ZNF385B: variants seen among roughly 807,000 people sequenced by gnomAD.
ZNF385B encodes the protein zinc finger protein 385B, also known as zinc finger protein 533.
Under a neutral mutation model 39.2 loss-of-function variants are expected in ZNF385B, and 23 were observed. The observed-to-expected ratio is 0.59, with a 90% CI of 0.42 to 0.83. The LOEUF (loss-of-function observed/expected upper bound fraction) is 0.83. Ranked by LOEUF, ZNF385B falls within the 40% of genes least tolerant of loss-of-function variation. The pLI is 0.00. For missense variants in ZNF385B, 552 were observed against 598.9 expected (o/e 0.92, Z 0.82); for synonymous variants, 205 against 222.6 (o/e 0.92, Z 0.70).
chr2:179,543,943 G>T (rs1196588048), intron 4 of ZNF385B, among the ~76,000 whole-genome samples: 1 of 152,144 alleles, frequency 6.6e-6, no homozygotes, highest in East Asian at 1.9e-4. Flanking sequence ...CTGTCTGGTG[G>T]TGTTGATAAT....
intron 4 of ZNF385B, among the ~76,000 whole-genome samples, chr2:179,531,121 A>G (rs554953299): frequency 7.9e-5 from 12 of 152,250 alleles, no homozygotes; most frequent in African/African-American, 2.6e-4. Flanking sequence ...TTGAAAATGA[A>G]GAAAGATTTG....
At chr2:179,774,959 A>C (rs945216667) in intron 1 of ZNF385B, among the ~76,000 whole-genome samples, 27 of 152,226 alleles carry the variant, frequency 1.8e-4, no homozygotes, top group African/African-American at 6.5e-4. Flanking sequence ...AGTTTGGGGA[A>C]TACTTTCTGA....
At chr2:179,704,910 T>C (rs945663161) in intron 3 of ZNF385B, among the ~76,000 whole-genome samples, 26 of 152,152 alleles carry the variant, frequency 1.7e-4, no homozygotes, top group African/African-American at 5.8e-4. Flanking sequence ...TTGGTGCCAA[T>C]TCCTTAGAAT....
At chr2:179,793,575 A>T (rs1364833966) in intron 1 of ZNF385B, among the ~76,000 whole-genome samples, 3 of 152,180 alleles carry the variant, frequency 2.0e-5, no homozygotes, top group African/African-American at 7.2e-5. Context: ...GCCCGCCATC[A>T]TGTAAGACGT....
chr2:179,829,577 T>C (rs988817805), intron 1 of ZNF385B, among the ~76,000 whole-genome samples: 2 of 152,030 alleles, frequency 1.3e-5, no homozygotes, highest in Admixed American at 6.6e-5. Context: ...GCAGTGGTGC[T>C]ATCTCGGCTC....
intron 3 of ZNF385B, among the ~76,000 whole-genome samples, chr2:179,625,220 GTC>G (rs1159639954): frequency 6.6e-6 from 1 of 152,074 alleles, no homozygotes; most frequent in Non-Finnish European, 1.5e-5. Context: ...CCCTGAGAGT[GTC>G]TCTCTTTTTC....
intron 3 of ZNF385B, among the ~76,000 whole-genome samples, chr2:179,741,993 T>C (rs1702115784): frequency 6.6e-6 from 1 of 152,042 alleles, no homozygotes; most frequent in South Asian, 2.1e-4. Flanking sequence ...ACAAAATGAA[T>C]TAATAAGTAT....
chr2:179,781,715 A>G (rs1380333396), intron 1 of ZNF385B, among the ~76,000 whole-genome samples: 1 of 152,178 alleles, frequency 6.6e-6, no homozygotes, highest in African/African-American at 2.4e-5. Context: ...CACAAAGTAG[A>G]AAGCCTAGAA....
At chr2:179,777,169 T>C (rs1704374052) in intron 1 of ZNF385B, among the ~76,000 whole-genome samples, 1 of 151,684 alleles carries the variant, frequency 6.6e-6, no homozygotes, top group South Asian at 2.1e-4. Context: ...CATATACAAA[T>C]AGCGTAATGA....
intron 6 of ZNF385B, among the ~76,000 whole-genome samples, chr2:179,474,646 T>A (rs1409625543): frequency 6.6e-6 from 1 of 152,014 alleles, no homozygotes; most frequent in Non-Finnish European, 1.5e-5. Context: ...GTATTGCTAT[T>A]AAAATTATTT....
At chr2:179,481,452 T>A (rs961875706) in intron 6 of ZNF385B, among the ~76,000 whole-genome samples, 2 of 152,130 alleles carry the variant, frequency 1.3e-5, no homozygotes, top group East Asian at 1.9e-4. Context: ...TCTGCTTTTT[T>A]AAAAAATGGA....
At chr2:179,579,915 C>T (rs72957989) in intron 3 of ZNF385B, among the ~76,000 whole-genome samples, 7,121 of 152,098 alleles carry the variant, frequency 0.047, 252 homozygotes, top group Non-Finnish European at 0.071. Context: ...AGTAACTTGC[C>T]CACTTACTGT....
At chr2:179,702,504 G>A (rs1559108284) in intron 3 of ZNF385B, among the ~76,000 whole-genome samples, 1 of 152,138 alleles carries the variant, frequency 6.6e-6, no homozygotes, top group Non-Finnish European at 1.5e-5. Flanking sequence ...CTAAACAAGT[G>A]CAGTTACAAA....
intron 4 of ZNF385B, among the ~76,000 whole-genome samples, chr2:179,532,708 C>A (rs976367679): frequency 6.6e-6 from 1 of 152,158 alleles, no homozygotes; most frequent in African/African-American, 2.4e-5. Flanking sequence ...AGACAAATAC[C>A]TACACCTGAC....
intron 6 of ZNF385B, among the ~76,000 whole-genome samples, chr2:179,482,812 G>A (rs2054138994): frequency 6.6e-6 from 1 of 151,886 alleles, no homozygotes; most frequent in South Asian, 2.1e-4. Context: ...CCCCCCTTTG[G>A]CTCCTCAACT....
chr2:179,718,567 G>A (rs16866944), intron 3 of ZNF385B, among the ~76,000 whole-genome samples: 19,361 of 148,592 alleles, frequency 0.13, 1,781 homozygotes, highest in East Asian at 0.5. Context: ...AGTATAGGAC[G>A]ATTCTAACAT....
chr2:179,753,909 T>C (rs982757250), intron 3 of ZNF385B, among the ~76,000 whole-genome samples: 3 of 152,190 alleles, frequency 2.0e-5, no homozygotes, highest in Non-Finnish European at 4.4e-5. Flanking sequence ...CTTTTCCTAA[T>C]TGAATACTCT....
At chr2:179,453,540 G>C (rs1399942129) in intron 6 of ZNF385B, among the ~76,000 whole-genome samples, 1 of 152,072 alleles carries the variant, frequency 6.6e-6, no homozygotes, top group African/African-American at 2.4e-5. Flanking sequence ...GGGGACACTG[G>C]GATTTCATTC....
At position 179,827,433 on chromosome 2, in the gene ZNF385B, T is replaced by C. The variant is rs529935114; in HGVS notation, c.-155+33668A>G. ...ATTAATTCAAATATCTGATAGTTGA[T>C]TTCATAACAACACAAATACCATTTT... On this transcript the variant is annotated intron_variant, in intron 1 of 9. Coordinates refer to ENST00000410066, the MANE Select transcript of ZNF385B (RefSeq NM_152520.6). 2.0e-5 allele frequency among the ~76,000 whole-genome samples: 3 copies of C among 152,290 alleles called. No individual in the cohort carries two copies. The South Asian group carries it at 6.2e-4, about 32-fold the overall frequency.
Sources: allele counts gnomAD v4.1 joint callset (sites outside exome capture counted in the v4.1 genomes callset), GRCh38; gene constraint gnomAD v4.1.1; transcripts MANE v1.5; gene names NCBI Gene and HGNC (gene_info 2026-07-23, HGNC 2026-07-21).